Variants in IL7 observed in about 807,000 individuals in gnomAD.
IL7 encodes interleukin 7.
Under a neutral mutation model 21.6 loss-of-function variants are expected in IL7, and 3 were observed. The observed-to-expected ratio is 0.14, with a 90% CI of 0.06 to 0.36. The LOEUF (loss-of-function observed/expected upper bound fraction) is 0.36, where lower values mean the gene tolerates loss of function less well. Ranked by LOEUF, IL7 falls within the 10% of genes least tolerant of loss-of-function variation. The pLI, the probability that IL7 is intolerant of heterozygous loss-of-function variation, is 1.00. For synonymous variants in IL7, 62 were observed against 68.1 expected, an observed-to-expected ratio of 0.91 and a Z score of 0.44; for missense variants, 175 against 200.2, an observed-to-expected ratio of 0.87 and a Z score of 0.76.
At chr8:78,740,213 G>C (rs909834763) in intron 2 of IL7, 131 bp from the exon 3 acceptor site, 5 of 461,280 alleles carry the variant, frequency 1.1e-5, no homozygotes, top group African/African-American at 8.2e-5. Context: ...GTTTTGCCTG[G>C]CTCAGCTGAC....
At chr8:78,801,277 T>C (rs560939926) in intron 1 of IL7, among the ~76,000 whole-genome samples, 1 of 152,334 alleles carries the variant, frequency 6.6e-6, no homozygotes, top group East Asian at 1.9e-4. Flanking sequence ...AGAAGCTTGT[T>C]CCATTAAGAG....
chr8:78,729,034 T>C (rs1448760870), downstream of IL7, among the ~76,000 whole-genome samples: 3 of 152,034 alleles, frequency 2.0e-5, no homozygotes, highest in Non-Finnish European at 2.9e-5. Flanking sequence ...AGATGTATTC[T>C]GCTTTGATGT....
At chr8:78,682,340 A>G (rs1457095259) in intron 4 of IL7, among the ~76,000 whole-genome samples, 1 of 152,094 alleles carries the variant, frequency 6.6e-6, no homozygotes, top group Non-Finnish European at 1.5e-5. Context: ...GAAATATCGG[A>G]GACTGGGTAA....
intron 3 of IL7, 99 bp from the exon 4 acceptor site, chr8:78,738,734 T>A: frequency 9.4e-7 from 1 of 1,062,518 alleles, no homozygotes; most frequent in Middle Eastern, 2.4e-4. Flanking sequence ...TGTTGCTAGG[T>A]AATGCCCCGC....
At chr8:78,747,027 T>A in intron 2 of IL7, 1 of 456,674 alleles carries the variant, frequency 2.2e-6, no homozygotes, top group South Asian at 1.5e-5. Context: ...CAAACGAATG[T>A]CTAATTATTG....
intron 3 of IL7, chr8:78,689,247 G>T (rs1810127733): frequency 1.3e-6 from 2 of 1,588,738 alleles, no homozygotes; most frequent in Non-Finnish European, 1.7e-6. Context: ...CATATTGTCA[G>T]AGGAGATTCA....
intron 3 of IL7, among the ~76,000 whole-genome samples, chr8:78,700,311 ATTGT>A (rs1208696210): frequency 6.7e-6 from 1 of 150,288 alleles, no homozygotes; most frequent in Non-Finnish European, 1.5e-5. Flanking sequence ...TTTTAATGGG[ATTGT>A]TTGTTTTTTT....
intron 4 of IL7, among the ~76,000 whole-genome samples, chr8:78,681,113 G>A (rs560614199): frequency 3.3e-5 from 5 of 152,048 alleles, no homozygotes; most frequent in African/African-American, 1.2e-4. Flanking sequence ...GGATCTGAGG[G>A]AAGCAGGGTG....
chr8:78,766,469 C>G (rs1391017446), intron 2 of IL7, among the ~76,000 whole-genome samples: 1 of 151,938 alleles, frequency 6.6e-6, no homozygotes, highest in Non-Finnish European at 1.5e-5. Context: ...TATGCCTATG[C>G]GTGTTAGGTC....
At chr8:78,698,657 C>T in intron 3 of IL7, 1 of 522,402 alleles carries the variant, frequency 1.9e-6, no homozygotes, top group East Asian at 3.5e-5. Context: ...GGAGCACACT[C>T]ACTGCTGTTG....
chr8:78,683,713 A>G (rs969440523), intron 4 of IL7, among the ~76,000 whole-genome samples: 3 of 152,148 alleles, frequency 2.0e-5, no homozygotes, highest in Non-Finnish European at 4.4e-5. Flanking sequence ...TTTTTTCAGC[A>G]GCCATGAATT....
intron 1 of IL7, among the ~76,000 whole-genome samples, chr8:78,800,052 T>C (rs1268223381): frequency 6.6e-6 from 1 of 152,164 alleles, no homozygotes; most frequent in Non-Finnish European, 1.5e-5. Flanking sequence ...CAATAGGTAA[T>C]TTTTCAATCC....
chr8:78,735,754 C>T (rs1811571189), intron 5 of IL7, among the ~76,000 whole-genome samples: 1 of 152,098 alleles, frequency 6.6e-6, no homozygotes, highest in African/African-American at 2.4e-5. Context: ...GCTCACTTTG[C>T]TTTTCTGAAA....
chr8:78,721,213 A>G (rs555489351), intron 4 of IL7: 2 of 152,168 alleles, frequency 1.3e-5, no homozygotes, highest in South Asian at 4.1e-4. Context: ...GAAGATACCA[A>G]AAAGTGCGGC....
chr8:78,775,533 A>G (rs1813103935), intron 2 of IL7, among the ~76,000 whole-genome samples: 1 of 152,150 alleles, frequency 6.6e-6, no homozygotes, highest in South Asian at 2.1e-4. Context: ...CTCAGAGATT[A>G]TGAAAATCAA....
At position 78,784,558 on chromosome 8, in the gene IL7, GT is replaced by G. The variant is rs551176194; in HGVS notation, c.147+13513del. 5.2e-3 allele frequency among the ~76,000 whole-genome samples: 787 copies of G among 151,748 alleles called. 10 individuals carry two copies. The highest frequency in any genetic ancestry group is 0.018 in the African/African-American group (759 of 41,366). On this transcript the variant is annotated intron_variant, in intron 2 of 5. Coordinates refer to ENST00000263851, the MANE Select transcript of IL7 (RefSeq NM_000880.4). ...TTTATAACTTTAAAATAACATTTAA[GT>G]TTTTTTTAATGTAAACTATGTTCAT...
chr8:78,798,442 G>A (rs16906110), intron 1 of IL7, among the ~76,000 whole-genome samples: 4,161 of 152,054 alleles, frequency 0.027, 156 homozygotes, highest in African/African-American at 0.088. Flanking sequence ...TTAGGAAAGT[G>A]CAAAACAAGG....
intron 3 of IL7, among the ~76,000 whole-genome samples, chr8:78,687,798 AT>A (rs1810061380): frequency 7.3e-6 from 1 of 136,144 alleles, no homozygotes; most frequent in Non-Finnish European, 1.5e-5. Flanking sequence ...AATACATTAT[AT>A]ATATTCATGT....
At chr8:78,696,821 TA>T (rs2130538774) in intron 3 of IL7, among the ~76,000 whole-genome samples, 1 of 152,322 alleles carries the variant, frequency 6.6e-6, no homozygotes, top group South Asian at 2.1e-4. Flanking sequence ...ATGGCTGAAT[TA>T]TATATATGGA....
Sources: gnomAD v4.1 joint callset for allele counts (sites outside exome capture counted in the v4.1 genomes callset) on GRCh38, gnomAD v4.1.1 for gene constraint, MANE v1.5 for transcripts, NCBI Gene and HGNC (gene_info 2026-07-23, HGNC 2026-07-21) for gene names.